Variants in TSPAN15 observed in about 807,000 individuals in gnomAD.
The protein encoded by TSPAN15 is tetraspanin-15.
In TSPAN15, 20 loss-of-function variants were observed where a neutral mutation model predicts 34.5. That is an observed-to-expected ratio of 0.58 (90% confidence interval 0.41 to 0.84). TSPAN15 has a LOEUF of 0.84. Among genes scored for constraint, TSPAN15 ranks in the 40% least tolerant of loss-of-function variants. The pLI, the probability that TSPAN15 is intolerant of heterozygous loss-of-function variation, is 0.00. For synonymous variants in TSPAN15, 155 were observed against 153.9 expected (o/e 1.01, Z -0.05); for missense variants, 313 against 386.1 (o/e 0.81, Z 1.59).
the TSPAN15 span, among the ~76,000 whole-genome samples, chr10:69,541,803 C>A: frequency 6.6e-6 from 1 of 152,236 alleles, no homozygotes; most frequent in Non-Finnish European, 1.5e-5. Context: ...TACATTGACC[C>A]CTTTTAGCCA....
At chr10:69,457,448 T>A (rs1424601897) in intron 1 of TSPAN15, among the ~76,000 whole-genome samples, 1 of 152,158 alleles carries the variant, frequency 6.6e-6, no homozygotes, top group Non-Finnish European at 1.5e-5. Flanking sequence ...GCCTGTTTCC[T>A]TGATAACAGG....
intron 1 of TSPAN15, among the ~76,000 whole-genome samples, chr10:69,475,055 C>G (rs981028794): frequency 1.3e-5 from 2 of 152,230 alleles, no homozygotes; most frequent in South Asian, 4.1e-4. Flanking sequence ...GCCCGTGGCT[C>G]TCTTGGTTCA....
chr10:69,478,292 T>G (rs1733177455), intron 1 of TSPAN15, among the ~76,000 whole-genome samples: 1 of 151,968 alleles, frequency 6.6e-6, no homozygotes, highest in Non-Finnish European at 1.5e-5. Context: ...GAGGAGGGGG[T>G]CCTGCTAGTC....
At chr10:69,522,496 T>C in the TSPAN15 span, among the ~76,000 whole-genome samples, 2 of 145,146 alleles carry the variant, frequency 1.4e-5, no homozygotes, top group African/African-American at 2.5e-5. Flanking sequence ...CAATCACTTA[T>C]CAGATATATC....
intron 1 of TSPAN15, among the ~76,000 whole-genome samples, chr10:69,482,993 G>GT (rs1258070511): frequency 6.6e-6 from 1 of 151,370 alleles, no homozygotes; most frequent in East Asian, 1.9e-4. Flanking sequence ...TGTTGTTGTT[G>GT]TTTTTTGTTT....
chr10:69,514,492 T>G, the TSPAN15 span, among the ~76,000 whole-genome samples: 27 of 152,234 alleles, frequency 1.8e-4, no homozygotes, highest in South Asian at 4.1e-4. Context: ...AAATCTTCTT[T>G]GTAGGAAGAT....
At position 69,468,518 on chromosome 10, in the gene TSPAN15, C is replaced by CT. The variant is rs555991072; in HGVS notation, c.97-15159dup. On this transcript the variant is annotated intron_variant, in intron 1 of 7. Coordinates refer to ENST00000373290, the MANE Select transcript of TSPAN15 (RefSeq NM_012339.5). ...ATCAAGCTGCGATAGAGGAAATGGA[C>CT]TTTTTTTTTTTTTTGAAAAAGTTAA... is the stretch of plus-strand genomic sequence containing the variant. 7.5e-3 allele frequency among the ~76,000 whole-genome samples: 1,060 copies of CT among 141,962 alleles called. 4 individuals are homozygous for CT. The highest frequency in any genetic ancestry group is 0.02 in the African/African-American group (777 of 39,024). The allele number at this position is 141,962 out of a possible 152,430, so 93.1% of individuals were successfully genotyped here.
At chr10:69,490,042 G>A (rs1256706577) in intron 3 of TSPAN15, among the ~76,000 whole-genome samples, 1 of 152,128 alleles carries the variant, frequency 6.6e-6, no homozygotes, top group Non-Finnish European at 1.5e-5. Flanking sequence ...TAGCGGGTGT[G>A]TCTATACCCC....
chr10:69,510,458 G>T (rs1210905409), downstream of TSPAN15, among the ~76,000 whole-genome samples: 1 of 152,202 alleles, frequency 6.6e-6, no homozygotes, highest in Non-Finnish European at 1.5e-5. Flanking sequence ...TTGCTTATCG[G>T]CTTAAGGAAA....
At position 69,485,185 on chromosome 10, in the gene TSPAN15, T is replaced by C; in HGVS notation, c.327T>C (p.Gly109=). The C allele has an allele frequency of 6.2e-7, 1 of 1,614,164 alleles. No homozygotes were observed. Among genetic ancestry groups the C allele is most frequent in the South Asian group, 1.1e-5 (1 of 91,086 alleles). The part of the protein sequence containing the change: ...LGICLIMELI[G]GVVALTFRNQ... ...TCTGCCTCATCATGGAGCTCATTGG[T>C]GGCGTGGTGGCCTTGACCTTCCGGA... Residue 109 remains glycine (G), a synonymous_variant, in exon 3 of 8, where the codon GGT becomes GGC. Coordinates refer to ENST00000373290, the MANE Select transcript of TSPAN15 (RefSeq NM_012339.5).
chr10:69,512,472 G>A (rs61848438), downstream of TSPAN15, among the ~76,000 whole-genome samples: 21,085 of 152,220 alleles, frequency 0.14, 1,805 homozygotes, highest in Non-Finnish European at 0.19. Flanking sequence ...TAAACTGCGT[G>A]TATTTAAACT....
chr10:69,494,751 G>T, intron 3 of TSPAN15: 1 of 985,394 alleles, frequency 1.0e-6, no homozygotes, highest in Non-Finnish European at 1.2e-6. Flanking sequence ...CACCGGAGCC[G>T]AGAATGCCCC....
chr10:69,469,579 G>A (rs980898070), intron 1 of TSPAN15, among the ~76,000 whole-genome samples: 1 of 152,132 alleles, frequency 6.6e-6, no homozygotes, highest in African/African-American at 2.4e-5. Context: ...CCAGGCTCAA[G>A]AAATCCTCCC....
intron 1 of TSPAN15, among the ~76,000 whole-genome samples, chr10:69,458,789 G>T (rs1054758242): frequency 4.0e-4 from 61 of 152,322 alleles, no homozygotes; most frequent in Admixed American, 3.2e-3. Context: ...AAGGCCCTGA[G>T]AAGTGTCCTT....
At chr10:69,495,298 G>A (rs1175339349) in intron 3 of TSPAN15, 6 of 314,696 alleles carry the variant, frequency 1.9e-5, no homozygotes, top group South Asian at 4.4e-5. Context: ...CCCCAAGCAC[G>A]GCCCCAGCCT....
chr10:69,455,606 TTCTC>T (rs138301836), intron 1 of TSPAN15, among the ~76,000 whole-genome samples: 9 of 111,028 alleles, frequency 8.1e-5, no homozygotes, highest in Middle Eastern at 4.3e-3. Context: ...CTTTCTTTCT[TTCTC>T]TCTCTCTCTC....
rs374758818 is a variant in TSPAN15, at chr10:69,456,948, C to G, written c.96+5258C>G. On this transcript the variant is annotated intron_variant, in intron 1 of 7. Transcript: ENST00000373290. ...CAGAGCTGGCATGTACCCCAGGTCC[C>G]TGCATCCTCAGGTAGGTGCTCCTTG... Among the ~76,000 whole-genome samples the G allele has an allele frequency of 6.2e-4, 95 of 152,284 alleles. 2 individuals are homozygous for G. The South Asian group carries it at 0.019, about 31-fold the overall frequency.
At chr10:69,460,812 A>C (rs1282120780) in intron 1 of TSPAN15, among the ~76,000 whole-genome samples, 1 of 152,030 alleles carries the variant, frequency 6.6e-6, no homozygotes, top group African/African-American at 2.4e-5. Context: ...TAGGAGAGGG[A>C]GGGCGGGCTA....
the TSPAN15 span, among the ~76,000 whole-genome samples, chr10:69,514,583 A>G: frequency 2.3e-4 from 35 of 152,356 alleles, no homozygotes; most frequent in Non-Finnish European, 5.0e-4. Flanking sequence ...TTTTCCTTCA[A>G]GGAATTTGAT....
Sources: allele counts gnomAD v4.1 joint callset (sites outside exome capture counted in the v4.1 genomes callset), GRCh38; gene constraint gnomAD v4.1.1; transcripts MANE v1.5; gene names NCBI Gene and HGNC (gene_info 2026-07-23, HGNC 2026-07-21).